RARB: variants seen among roughly 807,000 people sequenced by gnomAD.
RARB encodes the protein HBV-activated protein.
RARB carries 17 observed loss-of-function variants against 51.9 expected under a neutral mutation model. The observed-to-expected ratio is 0.33, with a 90% CI of 0.22 to 0.49. The LOEUF is 0.49. Ranked by LOEUF, RARB falls within the 20% of genes least tolerant of loss-of-function variation. The pLI is 0.99. For missense variants in RARB, 369 were observed against 550.8 expected, an observed-to-expected ratio of 0.67 and a Z score of 3.30; for synonymous variants, 215 against 195.4, an observed-to-expected ratio of 1.10 and a Z score of -0.84.
At chr3:25,269,272 A>G (rs9875315) in intron 5 of RARB, among the ~76,000 whole-genome samples, 45,488 of 152,066 alleles carry the variant, frequency 0.3, 6,993 homozygotes, top group Non-Finnish European at 0.33. Flanking sequence ...AAGTATTCTG[A>G]AATGAAAGAT....
rs112861133 is a variant in RARB, at chr3:25,081,709, T to C, written c.-328+21533T>C. Among the ~76,000 whole-genome samples, 841 of 135,956 alleles carry C rather than the reference T, an allele frequency of 6.2e-3. 5 individuals are homozygous for C. The highest frequency in any genetic ancestry group is 0.022 in the African/African-American group (786 of 36,432). The allele number at this position is 135,956 out of a possible 152,430, so 89.2% of individuals were successfully genotyped here. On this transcript the variant is annotated intron_variant, in intron 3 of 11. Coordinates refer to the RARB transcript ENST00000383772. The stretch of plus-strand genomic sequence containing the variant: ...GTGCAGTGGCTCAATCTTGGCTCAC[T>C]GCAACCTCCACCTTCCGAGTTCAAG...
intron 5 of RARB, among the ~76,000 whole-genome samples, chr3:25,338,545 A>G (rs1705132089): frequency 6.6e-6 from 1 of 152,166 alleles, no homozygotes; most frequent in Admixed American, 6.5e-5. Flanking sequence ...TTACTTTGAC[A>G]TCTAGCCAAA....
At chr3:25,023,223 T>G (rs1327785630) in intron 2 of RARB, among the ~76,000 whole-genome samples, 1 of 152,130 alleles carries the variant, frequency 6.6e-6, no homozygotes, top group African/African-American at 2.4e-5. Flanking sequence ...TTTTGTGACA[T>G]GCAACCCTTG....
intron 5 of RARB, among the ~76,000 whole-genome samples, chr3:25,203,901 T>C (rs966179972): frequency 2.0e-5 from 3 of 152,222 alleles, no homozygotes; most frequent in Non-Finnish European, 4.4e-5. Flanking sequence ...CTGACAATTA[T>C]GTGTCTTGGA....
At chr3:25,515,725 A>T (rs1430680604) in intron 3 of RARB, among the ~76,000 whole-genome samples, 1 of 152,216 alleles carries the variant, frequency 6.6e-6, no homozygotes, top group South Asian at 2.1e-4. Context: ...TGTCTATATG[A>T]TAATGAGAAG....
At chr3:25,523,317 A>C (rs965347935) in intron 3 of RARB, among the ~76,000 whole-genome samples, 1 of 152,208 alleles carries the variant, frequency 6.6e-6, no homozygotes, top group Non-Finnish European at 1.5e-5. Flanking sequence ...GGGTGTGATC[A>C]TTGTCTCAAG....
At chr3:25,570,055 GC>G in intron 4 of RARB, 137 bp downstream of exon 4, 2 of 1,251,438 alleles carry the variant, frequency 1.6e-6, no homozygotes, top group Non-Finnish European at 2.2e-6. Context: ...TTGCATGCTA[GC>G]CAGCTGGGGC....
intron 2 of RARB, among the ~76,000 whole-genome samples, chr3:24,904,585 A>T (rs1270607349): frequency 6.6e-6 from 1 of 152,222 alleles, no homozygotes; most frequent in Admixed American, 6.5e-5. Context: ...TAGTTCAACC[A>T]TTGTGGAAGA....
At chr3:25,403,096 G>C (rs986799438) in intron 5 of RARB, among the ~76,000 whole-genome samples, 1 of 151,246 alleles carries the variant, frequency 6.6e-6, no homozygotes, top group Non-Finnish European at 1.5e-5. Context: ...CAGGGAGGCA[G>C]AGGTTGCAGT....
At chr3:25,418,035 G>A (rs962173193) in intron 5 of RARB, among the ~76,000 whole-genome samples, 8 of 151,962 alleles carry the variant, frequency 5.3e-5, no homozygotes, top group African/African-American at 1.7e-4. Context: ...TAGGGAAGGG[G>A]CAAGATAGCA....
chr3:25,473,122 C>G (rs1212405293), intron 2 of RARB, among the ~76,000 whole-genome samples: 1 of 152,204 alleles, frequency 6.6e-6, no homozygotes, highest in Non-Finnish European at 1.5e-5. Flanking sequence ...TTGTCACTAT[C>G]TCCTACCATA....
intron 5 of RARB, among the ~76,000 whole-genome samples, chr3:25,392,700 G>A (rs112001412): frequency 0.013 from 1,974 of 152,066 alleles, 42 homozygotes; most frequent in African/African-American, 0.044. Flanking sequence ...GGTCACTGTA[G>A]ATGCATAGCA....
chr3:25,583,110 A>C (rs1701247099), intron 5 of RARB, among the ~76,000 whole-genome samples: 1 of 152,194 alleles, frequency 6.6e-6, no homozygotes, highest in African/African-American at 2.4e-5. Context: ...CCGATAGTTA[A>C]AGGGCAAAGA....
chr3:24,893,074 C>G (rs1213954395), intron 2 of RARB, among the ~76,000 whole-genome samples: 1 of 152,176 alleles, frequency 6.6e-6, no homozygotes, highest in Non-Finnish European at 1.5e-5. Flanking sequence ...GGGCTAAAAT[C>G]CCTTTGATAT....
chr3:25,375,768 G>T (rs1236218288), intron 5 of RARB, among the ~76,000 whole-genome samples: 6 of 152,152 alleles, frequency 3.9e-5, no homozygotes, highest in African/African-American at 1.4e-4. Flanking sequence ...TGGGATGCAT[G>T]TACCATGATC....
At chr3:25,315,681 T>C (rs1704404414) in intron 5 of RARB, among the ~76,000 whole-genome samples, 2 of 152,184 alleles carry the variant, frequency 1.3e-5, no homozygotes, top group Non-Finnish European at 2.9e-5. Context: ...TGCCGCAGTC[T>C]CAGCTCACTG....
At chr3:25,494,906 G>A (rs1696947456) in intron 2 of RARB, among the ~76,000 whole-genome samples, 1 of 152,240 alleles carries the variant, frequency 6.6e-6, no homozygotes, top group Non-Finnish European at 1.5e-5. Context: ...CTGGACGCCT[G>A]CTATGTGGCC....
chr3:25,474,604 T>G (rs774274686), intron 2 of RARB, among the ~76,000 whole-genome samples: 1 of 152,214 alleles, frequency 6.6e-6, no homozygotes, highest in Non-Finnish European at 1.5e-5. Context: ...CTACAGTTTG[T>G]CAATCTCATG....
At chr3:25,180,266 T>A (rs1024965472) in intron 5 of RARB, among the ~76,000 whole-genome samples, 2 of 152,220 alleles carry the variant, frequency 1.3e-5, no homozygotes, top group African/African-American at 4.8e-5. Flanking sequence ...AGTAATGGTT[T>A]AAGAATTTGT....
Sources: allele counts gnomAD v4.1 joint callset (sites outside exome capture counted in the v4.1 genomes callset), GRCh38; gene constraint gnomAD v4.1.1; transcripts MANE v1.5; gene names NCBI Gene and HGNC (gene_info 2026-07-23, HGNC 2026-07-21).